Variants in ASTN2 observed in about 807,000 individuals in gnomAD.
ASTN2 encodes the protein astrotactin-2.
In ASTN2, 54 loss-of-function variants were observed where a neutral mutation model predicts 139.8. The observed-to-expected ratio is 0.39, with a 90% CI of 0.31 to 0.48. The LOEUF (loss-of-function observed/expected upper bound fraction) is 0.48. ASTN2 is among the 20% of genes least tolerant of loss of function. The probability of loss-of-function intolerance (pLI) is 0.95; values close to 1 mark genes in which losing one functional copy is unlikely to be tolerated. For missense variants in ASTN2, 1,565 were observed against 1,725.1 expected, an observed-to-expected ratio of 0.91 and a Z score of 1.64; for synonymous variants, 756 against 719.5, an observed-to-expected ratio of 1.05 and a Z score of -0.81.
intron 5 of ASTN2, among the ~76,000 whole-genome samples, chr9:117,086,931 C>G (rs1828578768): frequency 6.6e-6 from 1 of 152,164 alleles, no homozygotes; most frequent in Non-Finnish European, 1.5e-5. Context: ...GCCCTCTCTC[C>G]CATGTTACTC....
intron 4 of ASTN2, among the ~76,000 whole-genome samples, chr9:117,108,738 G>T (rs2132782004): frequency 6.6e-6 from 1 of 152,254 alleles, no homozygotes; most frequent in African/African-American, 2.4e-5. Context: ...ACCTTGCTTT[G>T]TCAAATATCT....
intron 19 of ASTN2, among the ~76,000 whole-genome samples, chr9:116,541,667 A>C (rs1027997577): frequency 6.6e-6 from 1 of 152,214 alleles, no homozygotes; most frequent in African/African-American, 2.4e-5. Context: ...AAGCAGAGAC[A>C]GAACAAGGCA....
rs1370191310 is a variant in ASTN2 at position 116,423,822 on chromosome 9, C to T, written c.*2029G>A. On this transcript the variant is annotated 3_prime_UTR_variant, in exon 23 of 23. Transcript: ENST00000313400. ...GAAGTCCTGGGGAAAAAAATGCGCT[C>T]AATATGTAGGTTATCAGGAAGGGGA... is the stretch of plus-strand genomic sequence containing the variant. Among the ~76,000 whole-genome samples, 1 of 152,084 alleles carries T rather than the reference C, an allele frequency of 6.6e-6. No individual in the cohort carries two copies. Among genetic ancestry groups the T allele is most frequent in the African/African-American group, 2.4e-5 (1 of 41,402 alleles).
intron 5 of ASTN2, among the ~76,000 whole-genome samples, chr9:117,060,415 AAAGGAAGG>A (rs796987048): frequency 6.6e-5 from 2 of 30,226 alleles, no homozygotes; most frequent in African/African-American, 3.7e-4. Context: ...AGAAAGAAGG[AAAGGAAGG>A]AAGGAAGGAA....
chr9:116,722,509 C>G (rs978179325), intron 16 of ASTN2, among the ~76,000 whole-genome samples: 2 of 152,176 alleles, frequency 1.3e-5, no homozygotes, highest in African/African-American at 2.4e-5. Context: ...AAGGCTAGGG[C>G]ATTTGTTTCT....
chr9:116,518,786 T>C (rs764902431), intron 19 of ASTN2, among the ~76,000 whole-genome samples: 113 of 152,068 alleles, frequency 7.4e-4, no homozygotes, highest in Middle Eastern at 6.8e-3. Context: ...ACCTAACACA[T>C]AAATGTAATT....
intron 1 of ASTN2, among the ~76,000 whole-genome samples, chr9:117,349,185 G>A (rs986523479): frequency 5.3e-5 from 8 of 152,160 alleles, no homozygotes; most frequent in Non-Finnish European, 5.9e-5. Context: ...CTGCCGGGGC[G>A]GGTGAAGGCT....
chr9:116,774,000 T>A (rs541669229), intron 13 of ASTN2, among the ~76,000 whole-genome samples: 2 of 152,342 alleles, frequency 1.3e-5, no homozygotes, highest in South Asian at 4.1e-4. Flanking sequence ...AGTTGTAGAA[T>A]CATAGGATAT....
chr9:117,234,159 G>A (rs1373730596), intron 2 of ASTN2, among the ~76,000 whole-genome samples: 2 of 152,188 alleles, frequency 1.3e-5, no homozygotes, highest in Non-Finnish European at 2.9e-5. Context: ...GAGGGCAAGA[G>A]GGTAGAGACA....
At chr9:117,211,251 C>T (rs1189327030) in intron 3 of ASTN2, among the ~76,000 whole-genome samples, 1 of 151,952 alleles carries the variant, frequency 6.6e-6, no homozygotes, top group East Asian at 1.9e-4. Context: ...TATCTTATTC[C>T]CAGAAAAACC....
intron 14 of ASTN2, among the ~76,000 whole-genome samples, chr9:116,731,326 T>C (rs1380140249): frequency 1.3e-5 from 2 of 152,040 alleles, no homozygotes; most frequent in Non-Finnish European, 2.9e-5. Context: ...TGGATACCCA[T>C]AGTGTGCCAA....
intron 6 of ASTN2, among the ~76,000 whole-genome samples, chr9:117,025,803 T>C (rs941197022): frequency 7.9e-5 from 12 of 151,772 alleles, no homozygotes; most frequent in Non-Finnish European, 7.4e-5. Flanking sequence ...CTTTTCTTTT[T>C]TTTTTTTTGA....
At chr9:117,039,531 G>A (rs548643929) in intron 6 of ASTN2, among the ~76,000 whole-genome samples, 37 of 151,970 alleles carry the variant, frequency 2.4e-4, no homozygotes, top group African/African-American at 7.0e-4. Context: ...AACCACCATG[G>A]CACATGTATA....
intron 2 of ASTN2, among the ~76,000 whole-genome samples, chr9:117,270,006 GA>G (rs1834026877): frequency 6.6e-6 from 1 of 152,126 alleles, no homozygotes; most frequent in African/African-American, 2.4e-5. Context: ...CTCAAAAAGT[GA>G]ATTAATTTGC....
intron 13 of ASTN2, among the ~76,000 whole-genome samples, chr9:116,794,641 C>T (rs907972283): frequency 3.3e-5 from 5 of 152,150 alleles, no homozygotes; most frequent in African/African-American, 4.8e-5. Context: ...CTCTGGGCTT[C>T]AATTTTCTCA....
intron 7 of ASTN2, among the ~76,000 whole-genome samples, chr9:117,006,885 G>T (rs1327824754): frequency 2.0e-5 from 3 of 152,144 alleles, no homozygotes; most frequent in African/African-American, 4.8e-5. Flanking sequence ...GGGAGGCCGA[G>T]GTGGGCGGAT....
rs1204204884 is a variant in ASTN2 at position 116,425,409 on chromosome 9, A to G, written c.*442T>C. 22 of 684,160 alleles carry G rather than the reference A, an allele frequency of 3.2e-5. No homozygotes were observed. In the East Asian group the frequency reaches 6.0e-4, roughly 19 times the overall value. The allele number at this position is 684,160 out of a possible 1,614,324, so 42.4% of individuals were successfully genotyped here. On this transcript the variant is annotated 3_prime_UTR_variant, in exon 23 of 23. Coordinates refer to ENST00000313400, the MANE Select transcript of ASTN2 (RefSeq NM_001365068.1). ...CCTCAGAGCTTCCTTCCTGGTGCTG[A>G]AGAGGTCAAAACTGTCTCCTCTAGG...
intron 3 of ASTN2, among the ~76,000 whole-genome samples, chr9:117,158,710 C>T (rs1830482350): frequency 6.6e-6 from 1 of 152,004 alleles, no homozygotes; most frequent in Non-Finnish European, 1.5e-5. Context: ...AGGAAGAACA[C>T]TGGTGAAATG....
rs151277377 is a variant in ASTN2, at chr9:116,518,336, G to C, written c.3356-30836C>G. ...CAACAGAAATCCTACAAGCTAGAAG[G>C]GATTGGGGTCTTATTTTTAGCCTGC... is the stretch of plus-strand genomic sequence containing the variant. On this transcript the variant is annotated intron_variant, in intron 19 of 22. Coordinates refer to ENST00000313400, the MANE Select transcript of ASTN2 (RefSeq NM_001365068.1). Among the ~76,000 whole-genome samples the C allele has an allele frequency of 6.3e-3, 958 of 152,236 alleles. 14 individuals carry two copies. Among genetic ancestry groups the C allele is most frequent in the African/African-American group, 0.022 (897 of 41,536 alleles).
Sources: allele counts gnomAD v4.1 joint callset (sites outside exome capture counted in the v4.1 genomes callset), GRCh38; gene constraint gnomAD v4.1.1; transcripts MANE v1.5; gene names NCBI Gene and HGNC (gene_info 2026-07-23, HGNC 2026-07-21).